The following HCRTR2 variants were observed in gnomAD, a reference collection of about 807,000 sequenced individuals.
The protein encoded by HCRTR2 is orexin receptor type 2.
In HCRTR2, 22 loss-of-function variants were observed where a neutral mutation model predicts 49.0. The ratio of observed to expected loss-of-function variants is 0.45; its 90% CI spans 0.32 to 0.64. The LOEUF is 0.64. HCRTR2 is among the 30% of genes least tolerant of loss of function. HCRTR2 has a pLI of 0.04. For missense variants in HCRTR2, 491 were observed against 559.4 expected (o/e 0.88, Z 1.23); for synonymous variants, 236 against 205.3 (o/e 1.15, Z -1.28).
intron 1 of HCRTR2, chr6:55,240,904 C>G (rs576440955): frequency 7.9e-5 from 16 of 202,458 alleles, no homozygotes; most frequent in Non-Finnish European, 1.5e-4. Flanking sequence ...TTCACGTTCT[C>G]TTATTTATAT....
intron 4 of HCRTR2, among the ~76,000 whole-genome samples, chr6:55,264,572 A>G (rs1766828367): frequency 6.6e-6 from 1 of 152,114 alleles, no homozygotes; most frequent in Admixed American, 6.6e-5. Context: ...AGCACAGAGA[A>G]TCAGAGCAAA....
intron 1 of HCRTR2, among the ~76,000 whole-genome samples, chr6:55,134,069 T>C (rs4429950): frequency 1 from 151,753 of 151,790 alleles, 75,858 homozygotes; most frequent in Middle Eastern, 1. Context: ...TTTCTTTGAT[T>C]CCCCCACTTC....
downstream of HCRTR2, among the ~76,000 whole-genome samples, chr6:55,283,997 T>G (rs75806257): frequency 0.016 from 2,385 of 152,286 alleles, 63 homozygotes; most frequent in African/African-American, 0.055. Context: ...GTATTTTAAC[T>G]CTCTCCTTTC....
intron 3 of HCRTR2, among the ~76,000 whole-genome samples, chr6:55,259,752 T>A (rs1362925466): frequency 7.2e-5 from 11 of 152,008 alleles, no homozygotes; most frequent in African/African-American, 2.4e-4. Context: ...AAAACTTTTT[T>A]AAATTAAAGT....
intron 1 of HCRTR2, among the ~76,000 whole-genome samples, chr6:55,144,248 G>A (rs896226134): frequency 6.6e-6 from 1 of 151,990 alleles, no homozygotes; most frequent in African/African-American, 2.4e-5. Flanking sequence ...GAGTAGCTGG[G>A]ATTACAGGCA....
chr6:55,282,158 C>T, intron 6 of HCRTR2, 67 bp from the exon 7 acceptor site: 1 of 1,140,776 alleles, frequency 8.8e-7, no homozygotes, highest in South Asian at 1.3e-5. Context: ...CTCAGTTGTA[C>T]CCTATTCATA....
At chr6:55,151,868 T>C (rs545169109) in intron 1 of HCRTR2, among the ~76,000 whole-genome samples, 18 of 151,962 alleles carry the variant, frequency 1.2e-4, no homozygotes, top group Non-Finnish European at 1.9e-4. Context: ...TTAGCAGGCA[T>C]GAAAACTACA....
At chr6:55,239,578 T>G (rs1301552400) in intron 1 of HCRTR2, among the ~76,000 whole-genome samples, 2 of 152,164 alleles carry the variant, frequency 1.3e-5, no homozygotes. Flanking sequence ...TATTCTCCAC[T>G]GTACCTAACG....
At chr6:55,218,160 C>A (rs747367337) in intron 1 of HCRTR2, among the ~76,000 whole-genome samples, 5 of 152,148 alleles carry the variant, frequency 3.3e-5, no homozygotes, top group Non-Finnish European at 7.3e-5. Context: ...ATCTGTGAAT[C>A]CATGAGTAAA....
chr6:55,255,492 T>C, intron 3 of HCRTR2, 113 bp downstream of exon 3: 1 of 1,298,714 alleles, frequency 7.7e-7, no homozygotes, highest in East Asian at 2.3e-5. Flanking sequence ...CATTTGTGAA[T>C]ACAGTTTTGC....
In HCRTR2 at chr6:55,156,779, T is replaced by C. The variant is rs182957073; in HGVS notation, c.-377-17432T>C. On this transcript the variant is annotated intron_variant, in intron 1 of 7. Coordinates refer to the HCRTR2 transcript ENST00000615358. ...AATCAACCAGTGCAATAAATAATAG[T>C]AATTAAAAAAACATAATTATCTCAC... Among the ~76,000 whole-genome samples, 129 of 152,200 alleles carry C rather than the reference T, an allele frequency of 8.5e-4. 3 individuals are homozygous for C. The East Asian group carries it at 0.021, about 25-fold the overall frequency.
Position 55,272,848 on chromosome 6 carries a change from T to G in HCRTR2, c.763-4532T>G, listed in dbSNP as rs545077632. Among the ~76,000 whole-genome samples the G allele has an allele frequency of 9.4e-5, 10 of 105,992 alleles. No homozygotes were observed. In the East Asian group the frequency reaches 2.2e-3, roughly 24 times the overall value. The allele number at this position is 105,992 out of a possible 152,430, so 69.5% of individuals were successfully genotyped here. ...AGTCCCAGAGAGCAGAGGGAAAACC[T>G]TTTTTTTTTTTTTTTTTTGCAAAGA... On this transcript the variant is annotated intron_variant, in intron 4 of 6. Transcript: ENST00000370862.
chr6:55,261,961 A>T (rs2127321554), intron 3 of HCRTR2, among the ~76,000 whole-genome samples: 2 of 152,314 alleles, frequency 1.3e-5, no homozygotes, highest in Middle Eastern at 6.8e-3. Flanking sequence ...AAGGAACGAA[A>T]TAATGGCATT....
chr6:55,197,661 T>G (rs60304167), intron 1 of HCRTR2, among the ~76,000 whole-genome samples: 37,407 of 151,770 alleles, frequency 0.25, 5,023 homozygotes, highest in African/African-American at 0.35. Flanking sequence ...TCGCTCTGTC[T>G]CCCAGGTTGA....
Position 55,232,423 on chromosome 6 carries a change from T to G in HCRTR2, c.224-16216T>G, listed in dbSNP as rs549512770. On this transcript the variant is annotated intron_variant, in intron 1 of 6. Coordinates refer to ENST00000370862, the MANE Select transcript of HCRTR2 (RefSeq NM_001384272.1). Reference sequence around the variant, plus strand: ...AGTGGACATTCTTTTTTGTTGTTGTTCTTTCCTTGAATAGAGTCGAAATTA... The same window carrying G: ...AGTGGACATTCTTTTTTGTTGTTGTGCTTTCCTTGAATAGAGTCGAAATTA... Among the ~76,000 whole-genome samples, 6 of 152,304 alleles carry G rather than the reference T, an allele frequency of 3.9e-5. No individual in the cohort carries two copies. In the East Asian group the frequency reaches 7.7e-4, roughly 20 times the overall value.
chr6:55,172,260 T>C (rs550721507), upstream of HCRTR2, among the ~76,000 whole-genome samples: 1 of 152,310 alleles, frequency 6.6e-6, no homozygotes, highest in East Asian at 1.9e-4. Context: ...TAATAGAGCC[T>C]TTTTGAACAA....
At chr6:55,183,332 A>T (rs1765164633) in intron 1 of HCRTR2, among the ~76,000 whole-genome samples, 2 of 152,212 alleles carry the variant, frequency 1.3e-5, no homozygotes, top group South Asian at 4.1e-4. Flanking sequence ...TTGGGTAAGG[A>T]TGTTCTAAGC....
chr6:55,155,989 C>G (rs2127260055), intron 1 of HCRTR2, among the ~76,000 whole-genome samples: 1 of 151,990 alleles, frequency 6.6e-6, no homozygotes, highest in Middle Eastern at 3.4e-3. Context: ...ACTTCAGGTA[C>G]CATCCTCACT....
rs141803031 is a variant in HCRTR2, at chr6:55,132,075, A to C, written c.-378+25530A>C. On this transcript the variant is annotated intron_variant, in intron 1 of 7. Coordinates refer to the HCRTR2 transcript ENST00000615358. ...TTTGTGGCCAATTCTAAACATATAT[A>C]GATATCCCTTTAATTAATAAAATTA... is the stretch of plus-strand genomic sequence containing the variant. Among the ~76,000 whole-genome samples the C allele has an allele frequency of 5.8e-3, 878 of 151,992 alleles. 13 individuals carry two copies. Among genetic ancestry groups the C allele is most frequent in the African/African-American group, 0.021 (852 of 41,552 alleles).
Sources: gnomAD v4.1 joint callset for allele counts (sites outside exome capture counted in the v4.1 genomes callset) on GRCh38, gnomAD v4.1.1 for gene constraint, MANE v1.5 for transcripts, NCBI Gene and HGNC (gene_info 2026-07-23, HGNC 2026-07-21) for gene names.